Variants in PHKA2 observed in about 807,000 individuals in gnomAD.
PHKA2 encodes the protein phosphorylase b kinase regulatory subunit alpha, liver isoform.
A neutral mutation model predicts 102.0 loss-of-function variants in PHKA2; 31 were observed. That is an observed-to-expected ratio of 0.30 (90% CI 0.23 to 0.41). PHKA2 has a LOEUF of 0.41. PHKA2 is among the 10% of genes least tolerant of loss of function. PHKA2 has a pLI of 1.00. For synonymous variants in PHKA2, 455 were observed against 416.2 expected (o/e 1.09, Z -1.13); for missense variants, 858 against 1,023.1 (o/e 0.84, Z 2.20).
chrX:18,934,446 G>C (rs187771898), intron 11 of PHKA2, among the ~76,000 whole-genome samples: 12 of 111,949 alleles, frequency 1.1e-4, no homozygotes, highest in African/African-American at 3.9e-4. Context: ...AGGGCTAAGG[G>C]TCCAGGCTGG....
At chrX:18,897,016 A>G (rs776427602) in intron 30 of PHKA2, 147 bp downstream of exon 30, 1 of 666,637 alleles carries the variant, frequency 1.5e-6, no homozygotes, top group African/African-American at 2.1e-5. Flanking sequence ...CCCCTAGCAG[A>G]GAATGCCTCG....
chrX:18,901,687 T>G, intron 26 of PHKA2, 84 bp from the exon 27 acceptor site: 1 of 637,283 alleles, frequency 1.6e-6, no homozygotes, highest in Admixed American at 2.2e-5. Context: ...CTCCCCCACT[T>G]GACAATGAGG....
chrX:18,915,336 TTTTC>T (rs1359815043), intron 19 of PHKA2: 1 of 109,610 alleles, frequency 9.1e-6, no homozygotes, highest in Non-Finnish European at 1.9e-5. Flanking sequence ...GAGCAGGACC[TTTTC>T]TTTCTCTCTT....
At chrX:18,894,173 G>A (rs374444913) in intron 32 of PHKA2, 31 bp downstream of exon 32, 31 of 1,166,983 alleles carry the variant, frequency 2.7e-5, no homozygotes, top group Non-Finnish European at 3.6e-5. Flanking sequence ...AGAGATAAAT[G>A]CCAGCCAACC....
intron 9 of PHKA2, among the ~76,000 whole-genome samples, chrX:18,939,033 G>A (rs1359989267): frequency 8.9e-6 from 1 of 112,323 alleles, no homozygotes; most frequent in African/African-American, 3.2e-5. Flanking sequence ...TTTGGCAGAG[G>A]ATCTGATTTA....
rs1487996088 is a variant in PHKA2, at chrX:18,975,532, C to T, written c.78+8323G>A. On this transcript the variant is annotated intron_variant, in intron 1 of 32. Transcript: ENST00000379942. ...ACTAATACAGATACCTAACAGACAC[C>T]TTGAACTTAACAAAACTCTATCTTC... Among the ~76,000 whole-genome samples the T allele has an allele frequency of 2.7e-5, 3 of 112,136 alleles. No homozygotes were observed. In the East Asian group the frequency reaches 8.4e-4, roughly 31 times the overall value.
intron 2 of PHKA2, among the ~76,000 whole-genome samples, 193 bp downstream of exon 2, chrX:18,954,061 A>C (rs1303397916): frequency 9.0e-6 from 1 of 111,646 alleles, no homozygotes; most frequent in African/African-American, 3.3e-5. Flanking sequence ...TTATGTGGGA[A>C]TCTCCAAACT....
intron 30 of PHKA2, 152 bp downstream of exon 30, chrX:18,897,011 A>G: frequency 1.5e-6 from 1 of 645,202 alleles, no homozygotes; most frequent in Non-Finnish European, 2.5e-6. Context: ...CAGGCCCCCT[A>G]GCAGAGAATG....
At position 18,924,413 on chromosome X, in the gene PHKA2, G is replaced by A. The variant is rs746077361; in HGVS notation, c.1682C>T (p.Thr561Ile). 2 of 1,209,102 alleles carry A rather than the reference G, an allele frequency of 1.7e-6. No homozygotes were observed. The highest frequency in any genetic ancestry group is 5.9e-5 in the East Asian group (2 of 33,743). Reference protein sequence around the residue: ...CTCWRMTGRPTLTFPISRTML... With the variant: ...CTCWRMTGRPILTFPISRTML... ...GGTGCGACTGATGGGGAAGGTGAGT[G>A]TGGGTCTGCCCGTCATCCTCCAGCA... Residue 561 changes from threonine (T) to isoleucine (I), a missense_variant, in exon 16 of 33, where the codon ACA becomes ATA. Physicochemically the swap from Thr to Ile is moderately conservative, Grantham distance 89. Transcript: ENST00000379942.
intron 13 of PHKA2, among the ~76,000 whole-genome samples, chrX:18,928,912 C>G (rs1257689462): frequency 1.8e-5 from 2 of 112,732 alleles, no homozygotes; most frequent in African/African-American, 6.4e-5. Flanking sequence ...TGAGTTTTCA[C>G]CAGGCTTAGG....
At chrX:18,904,173 G>A (rs1176014671) in intron 26 of PHKA2, among the ~76,000 whole-genome samples, 2 of 111,628 alleles carry the variant, frequency 1.8e-5, no homozygotes, top group Admixed American at 9.5e-5. Flanking sequence ...GCCCATAAGG[G>A]AGACTCAGTG....
intron 11 of PHKA2, among the ~76,000 whole-genome samples, chrX:18,932,880 G>A (rs1349328871): frequency 2.7e-5 from 3 of 111,703 alleles, no homozygotes; most frequent in Non-Finnish European, 5.6e-5. Context: ...TTGGGAGGCT[G>A]AGGTGGGCAG....
In PHKA2 at chrX:18,929,293, G is replaced by A; in HGVS notation, c.1259C>T (p.Ala420Val). 8.6e-7 allele frequency: 1 copy of A among 1,158,806 alleles called. No homozygotes were observed. The highest frequency in any genetic ancestry group is 1.2e-6 in the Non-Finnish European group (1 of 858,943). ...SSLLAEGFLA[A>V]GEIDPLNRRF... Reference sequence around the variant, plus strand: ...TCTATTTAAGGGATCGATTTCACCAGCGGCAAGGAATCCCTATGAAAAGAG... The same window carrying A: ...TCTATTTAAGGGATCGATTTCACCAACGGCAAGGAATCCCTATGAAAAGAG... Residue 420 changes from alanine to valine, a missense_variant, in exon 13 of 33, where the codon GCT (alanine) becomes GTT (valine). By Grantham distance (64) the Ala-to-Val change is moderately conservative. Around this residue, in one of 2 missense-constraint regions of PHKA2, gnomAD observed 671 missense variants for 745.2 expected, o/e 0.90. Transcript: ENST00000379942.
chrX:18,969,119 A>T (rs925522263), intron 1 of PHKA2, among the ~76,000 whole-genome samples: 1 of 106,606 alleles, frequency 9.4e-6, no homozygotes, highest in Non-Finnish European at 1.9e-5. Context: ...GTATATTTAA[A>T]AAAAAAAAAA....
At chrX:18,924,292 G>C in intron 16 of PHKA2, 89 bp downstream of exon 16, 1 of 1,075,637 alleles carries the variant, frequency 9.3e-7, no homozygotes, top group South Asian at 1.9e-5. Context: ...TCAGTGCTTA[G>C]TTCTGGCCAT....
Position 18,938,766 on chromosome X carries a change from C to A in PHKA2, c.919-17G>T, listed in dbSNP as rs1569318213. 8.4e-7 allele frequency: 1 copy of A among 1,193,244 alleles called. No individual in the cohort carries two copies. Among genetic ancestry groups the A allele is most frequent in the Non-Finnish European group, 1.1e-6 (1 of 878,594 alleles). On this transcript the variant is annotated splice_polypyrimidine_tract_variant and intron_variant, in intron 9 of 32. Transcript: ENST00000379942. Reference sequence around the variant, plus strand: ...ATTAGGGTCCTAGAATCAAATAAGTCAAACTTTTAAAAGGTGATGTCAGAA... The same window carrying A: ...ATTAGGGTCCTAGAATCAAATAAGTAAAACTTTTAAAAGGTGATGTCAGAA...
rs779401435 is a variant in PHKA2, at chrX:18,910,297, T to C, written c.2226+575A>G. ...GAATTCCAGACCAGTCTGGGCAACA[T>C]GGTAAAACCCTGTCTCTACAAAAAA... On this transcript the variant is annotated intron_variant, in intron 20 of 32. Transcript: ENST00000379942. Among the ~76,000 whole-genome samples the C allele has an allele frequency of 3.6e-5, 4 of 111,588 alleles. No individual in the cohort carries two copies. The East Asian group carries it at 1.1e-3, about 31-fold the overall frequency.
chrX:18,945,189 G>T (rs1295755056), intron 5 of PHKA2, 31 bp from the exon 6 acceptor site: 13 of 942,411 alleles, frequency 1.4e-5, no homozygotes, highest in Non-Finnish European at 3.1e-6. Flanking sequence ...AATCAGAGGG[G>T]AGAAAGAGGT....
Position 18,953,872 on chromosome X carries a change from G to A in PHKA2, c.237+382C>T, listed in dbSNP as rs767035811. Among the ~76,000 whole-genome samples, 4 of 111,000 alleles carry A rather than the reference G, an allele frequency of 3.6e-5. No individual in the cohort carries two copies. In the East Asian group the frequency reaches 8.5e-4, roughly 24 times the overall value. On this transcript the variant is annotated intron_variant, in intron 2 of 32. Transcript: ENST00000379942. ...GTGGTGGCAGTCGCCTGTAATCCCA[G>A]CTACTCGGGAGGCTGAGGCAGGACA...
Sources: allele counts gnomAD v4.1 joint callset (sites outside exome capture counted in the v4.1 genomes callset), GRCh38; gene constraint gnomAD v4.1.1; regional missense constraint gnomAD v4.1.1; transcripts MANE v1.5; gene names NCBI Gene and HGNC (gene_info 2026-07-23, HGNC 2026-07-21).